The following TOGARAM1 variants were observed in gnomAD, a reference collection of about 807,000 sequenced individuals.
TOGARAM1 encodes the protein TOG array regulator of axonemal microtubules protein 1.
In TOGARAM1, 100 loss-of-function variants were observed where a neutral mutation model predicts 166.6. The ratio of observed to expected loss-of-function variants is 0.60; its 90% confidence interval spans 0.51 to 0.71. TOGARAM1 has a LOEUF of 0.71. Among genes scored for constraint, TOGARAM1 ranks in the 30% least tolerant of loss-of-function variants. The pLI is 0.00. For missense variants in TOGARAM1, 2,029 were observed against 2,102.7 expected (o/e 0.96, Z 0.69); for synonymous variants, 758 against 763.8 (o/e 0.99, Z 0.13).
At chr14:45,030,914 ATAGT>A (rs1200347698) in intron 10 of TOGARAM1, among the ~76,000 whole-genome samples, 1 of 152,222 alleles carries the variant, frequency 6.6e-6, no homozygotes. Flanking sequence ...CAAAATAAAG[ATAGT>A]TAGAATACCT....
At chr14:45,057,656 T>C (rs769740022) in intron 16 of TOGARAM1, among the ~76,000 whole-genome samples, 3 of 152,206 alleles carry the variant, frequency 2.0e-5, no homozygotes, top group Non-Finnish European at 2.9e-5. Flanking sequence ...TGTTTCCCTT[T>C]TCATTTACTT....
At chr14:45,048,926 G>A (rs1420877053) in intron 14 of TOGARAM1, among the ~76,000 whole-genome samples, 2 of 151,800 alleles carry the variant, frequency 1.3e-5, no homozygotes, top group South Asian at 2.1e-4. Context: ...GCAGTGAGTC[G>A]AGATCACACT....
chr14:44,964,563 T>A (rs894878164), intron 1 of TOGARAM1, 96 bp downstream of exon 1: 3 of 1,321,310 alleles, frequency 2.3e-6, no homozygotes, highest in Non-Finnish European at 3.1e-6. Flanking sequence ...GAGGGAAACA[T>A]GTTATGCTTT....
At chr14:44,974,395 T>C (rs1296217871) in intron 1 of TOGARAM1, among the ~76,000 whole-genome samples, 1 of 152,148 alleles carries the variant, frequency 6.6e-6, no homozygotes, top group East Asian at 1.9e-4. Flanking sequence ...TATTATCCTT[T>C]TGTTCTTACA....
At position 44,995,997 on chromosome 14, in the gene TOGARAM1, G is replaced by A. The variant is rs1887394795; in HGVS notation, c.2203+95G>A. The A allele has an allele frequency of 5.2e-6, 5 of 964,466 alleles. No homozygotes were observed. The East Asian group carries it at 1.3e-4, about 25-fold the overall frequency. The allele number at this position is 964,466 out of a possible 1,614,324, so 59.7% of individuals were successfully genotyped here. The stretch of plus-strand genomic sequence containing the variant: ...TGACTCATAGAACTTTAATCTAGTA[G>A]GCAGTTCAGATTCAATAAGTTATTT... On this transcript the variant is annotated intron_variant, in intron 2 of 19. Coordinates refer to ENST00000361462, the MANE Select transcript of TOGARAM1 (RefSeq NM_001308120.2).
At chr14:45,019,415 AT>A (rs1182632644) in intron 7 of TOGARAM1, among the ~76,000 whole-genome samples, 3 of 152,042 alleles carry the variant, frequency 2.0e-5, no homozygotes, top group African/African-American at 7.2e-5. Flanking sequence ...CAGAACCTTG[AT>A]TGACACATAA....
chr14:45,011,898 GAATAGAC>G (rs756039241), intron 6 of TOGARAM1, 70 bp from the exon 7 acceptor site: 107 of 998,816 alleles, frequency 1.1e-4, no homozygotes, highest in Non-Finnish European at 1.5e-4. Flanking sequence ...TTAATAAGGA[GAATAGAC>G]AATATGTGAT....
In TOGARAM1 at chr14:45,012,035, G is replaced by GA. The variant is rs914830752; in HGVS notation, c.3205dup (p.Ile1069AsnfsTer6). On this transcript the variant is annotated frameshift_variant, in exon 7 of 20. Coordinates refer to ENST00000361462, the MANE Select transcript of TOGARAM1 (RefSeq NM_001308120.2). LOFTEE classifies it high-confidence loss of function. ...GTCCAACAAGACTTTCTTCTGCAAA[G>GA]AAAAAAATTTCTCATATTGCTGAAC... 1 of 1,610,798 alleles carries GA rather than the reference G, an allele frequency of 6.2e-7. No individual in the cohort carries two copies. The highest frequency in any genetic ancestry group is 8.5e-7 in the Non-Finnish European group (1 of 1,178,784).
intron 1 of TOGARAM1, among the ~76,000 whole-genome samples, chr14:44,987,233 C>G (rs1161239032): frequency 3.3e-5 from 5 of 151,558 alleles, no homozygotes; most frequent in Non-Finnish European, 7.4e-5. Flanking sequence ...GCCACTGTGC[C>G]CAGCCATAAC....
At chr14:45,068,994 T>C (rs1294003084) in intron 18 of TOGARAM1, among the ~76,000 whole-genome samples, 1 of 151,980 alleles carries the variant, frequency 6.6e-6, no homozygotes, top group South Asian at 2.1e-4. Context: ...TAACTCAAAA[T>C]GGATCGTAGA....
intron 11 of TOGARAM1, among the ~76,000 whole-genome samples, chr14:45,035,686 T>C (rs1881389320): frequency 6.6e-6 from 1 of 152,004 alleles, no homozygotes. Flanking sequence ...ACATTACATA[T>C]AGAACAAAGA....
rs1233176448 is a variant in TOGARAM1, at chr14:45,066,747, G to A, written c.4729G>A (p.Val1577Ile). The part of the protein sequence containing the change: ...LSDTENNQDL[V>I]VGNIVKIFDA... ...AGATACAGAAAATAATCAAGACCTT[G>A]TTGTTGGAAACATTGTGAAGGTAAG... Residue 1577 changes from valine to isoleucine, a missense_variant, in exon 17 of 20, where the codon GTT becomes ATT. Transcript: ENST00000361462. 1 of 1,612,458 alleles carries A rather than the reference G, an allele frequency of 6.2e-7. No individual in the cohort carries two copies. The highest frequency in any genetic ancestry group is 1.1e-5 in the South Asian group (1 of 90,918).
chr14:45,011,801 G>T (rs1879813610), intron 6 of TOGARAM1, 174 bp from the exon 7 acceptor site: 1 of 509,126 alleles, frequency 2.0e-6, no homozygotes, highest in Non-Finnish European at 3.5e-6. Flanking sequence ...GTGTGTGTGT[G>T]TGTGTGTGTG....
intron 11 of TOGARAM1, 133 bp from the exon 12 acceptor site, chr14:45,043,553 T>C (rs1274225508): frequency 3.2e-6 from 2 of 633,134 alleles, no homozygotes; most frequent in Non-Finnish European, 2.8e-6. Flanking sequence ...CTCAAAACTT[T>C]TCTTCTGAGC....
intron 1 of TOGARAM1, among the ~76,000 whole-genome samples, chr14:44,977,312 G>A (rs187076629): frequency 4.4e-4 from 64 of 144,532 alleles, no homozygotes; most frequent in Non-Finnish European, 7.7e-4. Context: ...TCAGCTCACT[G>A]CAAGCTCCAC....
intron 16 of TOGARAM1, among the ~76,000 whole-genome samples, chr14:45,060,104 G>A (rs924007892): frequency 7.1e-4 from 108 of 151,120 alleles, no homozygotes; most frequent in African/African-American, 2.5e-3. Flanking sequence ...ATTTTTAGTA[G>A]AGATGGGGTT....
At chr14:45,052,970 A>G (rs1424680391) in intron 15 of TOGARAM1, among the ~76,000 whole-genome samples, 1 of 150,808 alleles carries the variant, frequency 6.6e-6, no homozygotes, top group East Asian at 1.9e-4. Flanking sequence ...ATGTCCCACT[A>G]TTAGAGCTAT....
At chr14:45,024,337 G>T (rs896311807) in intron 7 of TOGARAM1, among the ~76,000 whole-genome samples, 15 of 151,950 alleles carry the variant, frequency 9.9e-5, no homozygotes, top group African/African-American at 3.6e-4. Flanking sequence ...TTATAACAAA[G>T]AAAAAATATA....
chr14:45,042,706 A>T (rs1184477737), intron 11 of TOGARAM1, among the ~76,000 whole-genome samples: 1 of 152,112 alleles, frequency 6.6e-6, no homozygotes, highest in African/African-American at 2.4e-5. Context: ...TATTGTGCCT[A>T]AAAAAATCAA....
Sources: gnomAD v4.1 joint callset for allele counts (sites outside exome capture counted in the v4.1 genomes callset) on GRCh38, gnomAD v4.1.1 for gene constraint, MANE v1.5 for transcripts, NCBI Gene and HGNC (gene_info 2026-07-23, HGNC 2026-07-21) for gene names.